Variants in PCNX2 observed in about 807,000 individuals in gnomAD.
PCNX2 encodes the protein pecanex 2, also known as pecanex-like protein 2.
In PCNX2, 168 loss-of-function variants were observed where a neutral mutation model predicts 223.8. The observed-to-expected ratio is 0.75, with a 90% CI of 0.66 to 0.85. PCNX2 has a LOEUF of 0.85. PCNX2 is among the 40% of genes least tolerant of loss of function. The probability of loss-of-function intolerance (pLI) is 0.00; values close to 1 mark genes in which losing one functional copy is unlikely to be tolerated. For missense variants in PCNX2, 2,507 were observed against 2,675.5 expected, an observed-to-expected ratio of 0.94 and a Z score of 1.39; for synonymous variants, 1,006 against 1,052.6, an observed-to-expected ratio of 0.96 and a Z score of 0.86.
At chr1:233,099,128 G>T (rs765740012) in intron 21 of PCNX2, among the ~76,000 whole-genome samples, 16 of 152,194 alleles carry the variant, frequency 1.1e-4, no homozygotes, top group Non-Finnish European at 1.9e-4. Flanking sequence ...TGAAACCAGA[G>T]ATCAAAGTTC....
At chr1:233,152,898 T>C (rs1394881773) in intron 19 of PCNX2, among the ~76,000 whole-genome samples, 1 of 152,020 alleles carries the variant, frequency 6.6e-6, no homozygotes, top group Non-Finnish European at 1.5e-5. Context: ...TTATATTTAA[T>C]GTAGGAATTC....
intron 15 of PCNX2, among the ~76,000 whole-genome samples, chr1:233,186,619 T>C (rs931895075): frequency 6.6e-6 from 1 of 152,146 alleles, no homozygotes; most frequent in Non-Finnish European, 1.5e-5. Context: ...GACCCTAAAT[T>C]ATAGGTCAAT....
At chr1:233,135,609 G>C (rs1383646763) in intron 20 of PCNX2, among the ~76,000 whole-genome samples, 1 of 152,200 alleles carries the variant, frequency 6.6e-6, no homozygotes, top group Non-Finnish European at 1.5e-5. Context: ...TGAGAAAACA[G>C]GCAACATGCT....
intron 26 of PCNX2, among the ~76,000 whole-genome samples, chr1:233,022,184 C>T (rs1670912830): frequency 6.6e-6 from 1 of 152,188 alleles, no homozygotes; most frequent in Admixed American, 6.5e-5. Flanking sequence ...CTGCAGCAGG[C>T]CACCAGACCC....
chr1:233,284,045 C>A (rs930190817), intron 1 of PCNX2, among the ~76,000 whole-genome samples: 1 of 152,148 alleles, frequency 6.6e-6, no homozygotes, highest in South Asian at 2.1e-4. Context: ...TTAGATAACT[C>A]ATTTTAGAAT....
intron 21 of PCNX2, among the ~76,000 whole-genome samples, chr1:233,120,619 C>G (rs548493656): frequency 6.6e-6 from 1 of 152,160 alleles, no homozygotes; most frequent in African/African-American, 2.4e-5. Flanking sequence ...CCACAACAAC[C>G]TGGATGAATA....
intron 1 of PCNX2, chr1:233,294,097 T>G: frequency 1.6e-6 from 1 of 623,648 alleles, no homozygotes; most frequent in South Asian, 7.1e-5. Flanking sequence ...CACATCCGTT[T>G]TAATGATATG....
At chr1:233,065,046 T>G (rs1418531189) in intron 23 of PCNX2, among the ~76,000 whole-genome samples, 1 of 152,236 alleles carries the variant, frequency 6.6e-6, no homozygotes, top group South Asian at 2.1e-4. Context: ...CTGAGTTTTA[T>G]ACCACTCTCT....
chr1:233,261,630 A>G (rs1230040425), intron 3 of PCNX2, among the ~76,000 whole-genome samples: 1 of 152,252 alleles, frequency 6.6e-6, no homozygotes, highest in Non-Finnish European at 1.5e-5. Context: ...GTTAATCTAG[A>G]AAAAAGGTGA....
chr1:233,239,205 G>A (rs533734647), intron 8 of PCNX2, among the ~76,000 whole-genome samples: 23 of 152,266 alleles, frequency 1.5e-4, no homozygotes, highest in African/African-American at 5.5e-4. Flanking sequence ...GAAAAGAAAT[G>A]TACGCTTCTG....
intron 25 of PCNX2, among the ~76,000 whole-genome samples, chr1:233,034,618 G>A (rs1379637060): frequency 6.6e-6 from 1 of 152,234 alleles, no homozygotes; most frequent in South Asian, 2.1e-4. Flanking sequence ...GCTAATTTGT[G>A]TGGCTGGTAG....
At position 233,095,838 on chromosome 1, in the gene PCNX2, T is replaced by C; in HGVS notation, c.3863A>G (p.Gln1288Arg). The change falls in exon 22 of 34, where the codon CAG (glutamine) becomes CGG (arginine). Residue 1288 changes from glutamine to arginine, a missense_variant. Around this residue, in one of 3 missense-constraint regions of PCNX2, gnomAD observed 1,372 missense variants for 1,509.4 expected, o/e 0.91. Transcript: ENST00000258229. Reference sequence around the variant, plus strand: ...AGGAGCCACATATGTCAGGACGAACTGTAACTTGTGAAGCAGGTCCCCGAG... The same window carrying C: ...AGGAGCCACATATGTCAGGACGAACCGTAACTTGTGAAGCAGGTCCCCGAG... Reference protein sequence around the residue: ...SKLGDLLHKLQFVLTYVAPWQ... With the variant: ...SKLGDLLHKLRFVLTYVAPWQ... 6.2e-7 allele frequency: 1 copy of C among 1,611,560 alleles called. No individual in the cohort carries two copies. The highest frequency in any genetic ancestry group is 8.5e-7 in the Non-Finnish European group (1 of 1,178,908).
At chr1:233,050,457 A>G (rs1671964189) in intron 25 of PCNX2, among the ~76,000 whole-genome samples, 1 of 152,240 alleles carries the variant, frequency 6.6e-6, no homozygotes. Flanking sequence ...TAACCAAAAC[A>G]GCATGGTAGT....
the PCNX2 span, among the ~76,000 whole-genome samples, chr1:233,320,617 A>G: frequency 6.6e-6 from 1 of 152,250 alleles, no homozygotes; most frequent in Non-Finnish European, 1.5e-5. Context: ...AAAAAGTAGT[A>G]GTCGCTTAAA....
At chr1:232,993,137 G>A (rs959424104) in intron 32 of PCNX2, among the ~76,000 whole-genome samples, 1 of 152,212 alleles carries the variant, frequency 6.6e-6, no homozygotes, top group Non-Finnish European at 1.5e-5. Flanking sequence ...ACAGTTTGGA[G>A]GGCTCAGAAG....
chr1:233,152,033 C>A (rs1472689788), intron 19 of PCNX2, among the ~76,000 whole-genome samples: 1 of 152,208 alleles, frequency 6.6e-6, no homozygotes, highest in Non-Finnish European at 1.5e-5. Flanking sequence ...CAAACCCCTG[C>A]GGCCACCTCC....
At chr1:233,005,464 C>A (rs1670248468) in intron 28 of PCNX2, among the ~76,000 whole-genome samples, 1 of 152,150 alleles carries the variant, frequency 6.6e-6, no homozygotes, top group African/African-American at 2.4e-5. Flanking sequence ...CAAAGGCCAC[C>A]AACAATGGAT....
intron 21 of PCNX2, among the ~76,000 whole-genome samples, chr1:233,111,929 C>G (rs1410733821): frequency 6.6e-6 from 1 of 152,178 alleles, no homozygotes; most frequent in Non-Finnish European, 1.5e-5. Flanking sequence ...AGCTTGGGTT[C>G]AATGGAATTT....
chr1:233,058,081 C>A (rs544324283), intron 23 of PCNX2: 1 of 982,770 alleles, frequency 1.0e-6, no homozygotes, highest in Non-Finnish European at 1.2e-6. Flanking sequence ...GCCATGGTAA[C>A]AAGTGGCCAC....
Sources: gnomAD v4.1 joint callset for allele counts (sites outside exome capture counted in the v4.1 genomes callset) on GRCh38, gnomAD v4.1.1 for gene constraint, gnomAD v4.1.1 regional missense constraint, MANE v1.5 for transcripts, NCBI Gene and HGNC (gene_info 2026-07-23, HGNC 2026-07-21) for gene names.